SH2D4A: variants seen among roughly 807,000 people sequenced by gnomAD.
SH2D4A encodes the protein SH2 domain containing 4A.
In SH2D4A, 70 loss-of-function variants were observed where a neutral mutation model predicts 64.7. The observed-to-expected ratio is 1.08, with a 90% CI of 0.89 to 1.32. The LOEUF (loss-of-function observed/expected upper bound fraction) is 1.32, where lower values mean the gene tolerates loss of function less well. Ranked by LOEUF, SH2D4A falls within the 40% of genes most tolerant of loss-of-function variation. SH2D4A has a pLI of 0.00. For synonymous variants in SH2D4A, 268 were observed against 200.7 expected, an observed-to-expected ratio of 1.34 and a Z score of -2.83; for missense variants, 706 against 540.1, an observed-to-expected ratio of 1.31 and a Z score of -3.04.
chr8:19,370,393 T>A (rs1402403622), intron 7 of SH2D4A, among the ~76,000 whole-genome samples: 1 of 152,062 alleles, frequency 6.6e-6, no homozygotes, highest in Admixed American at 6.6e-5. Context: ...TATATTAATA[T>A]TTGCTTTCTA....
chr8:19,370,645 C>T (rs1198846454), intron 7 of SH2D4A, among the ~76,000 whole-genome samples: 1 of 151,994 alleles, frequency 6.6e-6, no homozygotes, highest in African/African-American at 2.4e-5. Context: ...GAAGTTAGCC[C>T]CTTGCAGGCA....
At chr8:19,376,390 G>C (rs888348320) in intron 8 of SH2D4A, among the ~76,000 whole-genome samples, 1 of 152,152 alleles carries the variant, frequency 6.6e-6, no homozygotes, top group Non-Finnish European at 1.5e-5. Context: ...GGAAGGCCGA[G>C]GCAGGCGGAT....
intron 2 of SH2D4A, among the ~76,000 whole-genome samples, chr8:19,326,452 C>A (rs1375250437): frequency 6.6e-6 from 1 of 152,126 alleles, no homozygotes; most frequent in Non-Finnish European, 1.5e-5. Context: ...TTGGTGGGCA[C>A]CTTGCTTCCA....
chr8:19,374,371 A>C (rs1453350120), intron 8 of SH2D4A, among the ~76,000 whole-genome samples: 3 of 152,160 alleles, frequency 2.0e-5, no homozygotes, highest in African/African-American at 7.2e-5. Context: ...GTTGACTTCC[A>C]TAAGGTCTGT....
At chr8:19,345,965 C>G (rs565522855) in intron 4 of SH2D4A, among the ~76,000 whole-genome samples, 131 of 152,346 alleles carry the variant, frequency 8.6e-4, no homozygotes, top group Non-Finnish European at 1.5e-3. Flanking sequence ...CTTTGGAAAC[C>G]TTAAGGTCCA....
At chr8:19,363,724 C>G (rs1297040451) in intron 6 of SH2D4A, 1 of 333,224 alleles carries the variant, frequency 3.0e-6, no homozygotes, top group Non-Finnish European at 5.7e-6. Flanking sequence ...ACTCAGCACC[C>G]CTGCCAGCTT....
At chr8:19,325,136 T>C (rs979513684) in intron 2 of SH2D4A, among the ~76,000 whole-genome samples, 6 of 152,156 alleles carry the variant, frequency 3.9e-5, no homozygotes. Context: ...GTGGTATTGC[T>C]CTGTTCCCAG....
intron 1 of SH2D4A, among the ~76,000 whole-genome samples, chr8:19,318,051 C>A (rs774467350): frequency 2.6e-5 from 4 of 152,110 alleles, no homozygotes; most frequent in Non-Finnish European, 4.4e-5. Flanking sequence ...CAGGCACCCA[C>A]CACCATGCCC....
At chr8:19,383,359 T>G (rs1326768755) in intron 8 of SH2D4A, among the ~76,000 whole-genome samples, 2 of 152,098 alleles carry the variant, frequency 1.3e-5, no homozygotes, top group Non-Finnish European at 2.9e-5. Flanking sequence ...ATTTTTCATT[T>G]TAGTTATACT....
chr8:19,361,386 T>A, intron 6 of SH2D4A, 72 bp downstream of exon 6: 2 of 1,450,166 alleles, frequency 1.4e-6, no homozygotes, highest in South Asian at 3.1e-5. Flanking sequence ...ATGTGATCAA[T>A]CTAGAAAGCG....
At chr8:19,334,554 A>G (rs1436848397) in intron 3 of SH2D4A, 132 bp from the exon 4 acceptor site, 1 of 939,408 alleles carries the variant, frequency 1.1e-6, no homozygotes, top group Non-Finnish European at 1.5e-6. Context: ...CAAAGGGCCC[A>G]GCATGTTAGA....
chr8:19,365,386 G>A (rs56017906), intron 7 of SH2D4A, among the ~76,000 whole-genome samples: 6,057 of 152,208 alleles, frequency 0.04, 164 homozygotes, highest in Non-Finnish European at 0.061. Context: ...TTCTCTTACC[G>A]ACAACAAAGC....
Position 19,334,795 on chromosome 8 carries a change from G to A in SH2D4A, c.451G>A (p.Glu151Lys). The change falls in exon 4 of 10, where the codon GAA becomes AAA. Residue 151 changes from glutamate (E) to lysine (K), a missense_variant. By Grantham distance (56) the Glu-to-Lys change is moderately conservative. Transcript: ENST00000265807. ...QTKDIWKKVAEKEELEQGSRP... is the reference protein window; with the variant it reads ...QTKDIWKKVAKKEELEQGSRP... ...TAAAGACATCTGGAAGAAAGTGGCAGAAAAGGAGGAACTGGAGCAAGGATC... is the reference window on the plus strand; with the variant it reads ...TAAAGACATCTGGAAGAAAGTGGCAAAAAAGGAGGAACTGGAGCAAGGATC... The A allele has an allele frequency of 6.2e-7, 1 of 1,614,096 alleles. No homozygotes were observed. Among genetic ancestry groups the A allele is most frequent in the Non-Finnish European group, 8.5e-7 (1 of 1,179,988 alleles).
At chr8:19,386,814 C>T (rs1327068922) in intron 8 of SH2D4A, among the ~76,000 whole-genome samples, 3 of 152,224 alleles carry the variant, frequency 2.0e-5, no homozygotes, top group African/African-American at 4.8e-5. Flanking sequence ...GGGTGTTGCT[C>T]TGTCACTCAG....
intron 7 of SH2D4A, among the ~76,000 whole-genome samples, chr8:19,365,173 T>C (rs1281626615): frequency 2.0e-5 from 3 of 152,198 alleles, no homozygotes; most frequent in African/African-American, 7.2e-5. Flanking sequence ...GTCGTAGTTA[T>C]CTTCAAGGTT....
chr8:19,383,276 C>T (rs900426631), intron 8 of SH2D4A, among the ~76,000 whole-genome samples: 1 of 152,036 alleles, frequency 6.6e-6, no homozygotes, highest in African/African-American at 2.4e-5. Flanking sequence ...TCAGTAACAT[C>T]CATTGTCCTA....
At chr8:19,315,089 G>C (rs184144768) in intron 1 of SH2D4A, among the ~76,000 whole-genome samples, 1 of 111,968 alleles carries the variant, frequency 8.9e-6, no homozygotes, top group Non-Finnish European at 2.1e-5. Flanking sequence ...AAAAACCGCA[G>C]TTACTTTTTT....
chr8:19,371,325 T>C (rs2053091481), intron 7 of SH2D4A, among the ~76,000 whole-genome samples: 1 of 152,158 alleles, frequency 6.6e-6, no homozygotes, highest in Admixed American at 6.5e-5. Context: ...TCTGAAGGAA[T>C]ACTTTGCTGT....
At chr8:19,334,953 C>G in intron 4 of SH2D4A, 96 bp downstream of exon 4, 1 of 1,380,518 alleles carries the variant, frequency 7.2e-7, no homozygotes, top group Non-Finnish European at 9.7e-7. Context: ...TGTCAGGATC[C>G]TCCAGTGGCT....
Sources: allele counts gnomAD v4.1 joint callset (sites outside exome capture counted in the v4.1 genomes callset), GRCh38; gene constraint gnomAD v4.1.1; transcripts MANE v1.5; gene names NCBI Gene and HGNC (gene_info 2026-07-23, HGNC 2026-07-21).